Variants in NKAIN2 observed in about 807,000 individuals in gnomAD.
NKAIN2 encodes the protein sodium/potassium-transporting ATPase subunit beta-1-interacting protein 2.
Under a neutral mutation model 32.6 loss-of-function variants are expected in NKAIN2, and 14 were observed. That is an observed-to-expected ratio of 0.43 (90% CI 0.28 to 0.67). The LOEUF (loss-of-function observed/expected upper bound fraction) is 0.67, where lower values mean the gene tolerates loss of function less well. NKAIN2 is among the 30% of genes least tolerant of loss of function. NKAIN2 has a pLI of 0.17. For missense variants in NKAIN2, 198 were observed against 258.3 expected (o/e 0.77, Z 1.60); for synonymous variants, 80 against 87.2 (o/e 0.92, Z 0.46).
intron 1 of NKAIN2, among the ~76,000 whole-genome samples, chr6:123,940,101 A>G (rs1244173002): frequency 6.6e-6 from 1 of 151,806 alleles, no homozygotes; most frequent in Non-Finnish European, 1.5e-5. Context: ...TTAAAAAATT[A>G]CTTGACCCAG....
chr6:124,736,017 C>T (rs963712285), intron 4 of NKAIN2, among the ~76,000 whole-genome samples: 2 of 151,782 alleles, frequency 1.3e-5, no homozygotes, highest in Admixed American at 6.6e-5. Context: ...GAAGGCATGC[C>T]AAAAGTCAAA....
At chr6:124,248,419 C>T (rs945893503) in intron 1 of NKAIN2, among the ~76,000 whole-genome samples, 1 of 151,936 alleles carries the variant, frequency 6.6e-6, no homozygotes, top group Non-Finnish European at 1.5e-5. Context: ...CCCCACCGAA[C>T]CTTTTCCCAA....
intron 3 of NKAIN2, among the ~76,000 whole-genome samples, chr6:124,494,948 ATACTT>A (rs950723493): frequency 1.7e-4 from 26 of 152,138 alleles, no homozygotes; most frequent in African/African-American, 5.8e-4. Flanking sequence ...GAAAAATACT[ATACTT>A]AGGATTTTAA....
intron 1 of NKAIN2, among the ~76,000 whole-genome samples, chr6:123,871,021 T>C (rs1364944817): frequency 6.6e-6 from 1 of 152,134 alleles, no homozygotes; most frequent in African/African-American, 2.4e-5. Flanking sequence ...CATGCTTACA[T>C]TGCTGATTCT....
At chr6:124,701,806 G>A (rs1468752284) in intron 4 of NKAIN2, among the ~76,000 whole-genome samples, 1 of 151,982 alleles carries the variant, frequency 6.6e-6, no homozygotes, top group African/African-American at 2.4e-5. Context: ...TTGCCATAAG[G>A]ATCAATCACT....
chr6:124,630,961 A>G (rs1435213341), intron 3 of NKAIN2, among the ~76,000 whole-genome samples: 3 of 152,182 alleles, frequency 2.0e-5, no homozygotes, highest in African/African-American at 2.4e-5. Flanking sequence ...AAATTACTCA[A>G]AATAATGTAG....
At chr6:123,990,745 A>T (rs565443129) in intron 1 of NKAIN2, among the ~76,000 whole-genome samples, 1 of 152,160 alleles carries the variant, frequency 6.6e-6, no homozygotes, top group Non-Finnish European at 1.5e-5. Context: ...ATTTACCCCC[A>T]TTGTTGATAC....
At chr6:124,496,117 A>C (rs1778054884) in intron 3 of NKAIN2, among the ~76,000 whole-genome samples, 1 of 152,132 alleles carries the variant, frequency 6.6e-6, no homozygotes, top group East Asian at 1.9e-4. Flanking sequence ...CTACACATAC[A>C]GCCCAGGAAT....
chr6:123,876,128 A>G (rs1773159094), intron 1 of NKAIN2, among the ~76,000 whole-genome samples: 1 of 151,976 alleles, frequency 6.6e-6, no homozygotes, highest in African/African-American at 2.4e-5. Context: ...TATTTCTTTC[A>G]CTGGAATTTC....
intron 2 of NKAIN2, among the ~76,000 whole-genome samples, chr6:124,322,982 G>A (rs963992829): frequency 6.6e-6 from 1 of 152,142 alleles, no homozygotes; most frequent in African/African-American, 2.4e-5. Flanking sequence ...TAATTATGTA[G>A]TGATATCTCA....
chr6:123,824,595 A>G (rs1774066946), intron 1 of NKAIN2, among the ~76,000 whole-genome samples: 1 of 152,066 alleles, frequency 6.6e-6, no homozygotes. Context: ...CCCATAGAGC[A>G]TTAGGACAAA....
rs551531100 is a variant in NKAIN2, at chr6:124,122,728, C to T, written c.55-160277C>T. Among the ~76,000 whole-genome samples the T allele has an allele frequency of 1.1e-4, 16 of 152,198 alleles. No individual in the cohort carries two copies. The East Asian group carries it at 2.9e-3, about 28-fold the overall frequency. On this transcript the variant is annotated intron_variant, in intron 1 of 6. Transcript: ENST00000368417. ...CACAAGTTTACATTTTCTTGAGAGT[C>T]TCTGGTCCTTAAAGTTTAATAAGAT...
At chr6:124,219,766 T>C (rs2114690547) in intron 1 of NKAIN2, among the ~76,000 whole-genome samples, 2 of 152,300 alleles carry the variant, frequency 1.3e-5, no homozygotes, top group South Asian at 4.1e-4. Flanking sequence ...TAGATTTTGA[T>C]ATTTTAGAAC....
At chr6:124,562,034 C>T (rs751992749) in intron 3 of NKAIN2, among the ~76,000 whole-genome samples, 26 of 152,112 alleles carry the variant, frequency 1.7e-4, no homozygotes, top group Non-Finnish European at 2.9e-4. Flanking sequence ...TTTAAGTCTC[C>T]GAAATCTGGT....
intron 2 of NKAIN2, among the ~76,000 whole-genome samples, chr6:124,289,727 G>A (rs924924410): frequency 1.3e-5 from 2 of 152,030 alleles, no homozygotes; most frequent in African/African-American, 4.8e-5. Context: ...CCATTTTCCA[G>A]GTCATATGTT....
intron 1 of NKAIN2, among the ~76,000 whole-genome samples, chr6:123,896,600 T>G (rs1774290995): frequency 6.6e-6 from 1 of 152,186 alleles, no homozygotes; most frequent in Non-Finnish European, 1.5e-5. Context: ...TTAAGGAAAT[T>G]CATTAAGGCA....
chr6:124,431,782 A>G (rs1467196982), intron 3 of NKAIN2, among the ~76,000 whole-genome samples: 1 of 152,172 alleles, frequency 6.6e-6, no homozygotes, highest in African/African-American at 2.4e-5. Flanking sequence ...ACACATATAT[A>G]ATTGTGTTCA....
intron 1 of NKAIN2, among the ~76,000 whole-genome samples, chr6:124,219,842 A>G (rs1791716444): frequency 6.6e-6 from 1 of 152,172 alleles, no homozygotes; most frequent in Non-Finnish European, 1.5e-5. Flanking sequence ...AAATGGAAGG[A>G]TAAGAGATAT....
chr6:124,707,680 A>T (rs934108105), intron 4 of NKAIN2, among the ~76,000 whole-genome samples: 2 of 151,048 alleles, frequency 1.3e-5, no homozygotes, highest in African/African-American at 4.9e-5. Flanking sequence ...CCACTTTTTG[A>T]TGGGGTTGTT....
Sources: allele counts gnomAD v4.1 joint callset (sites outside exome capture counted in the v4.1 genomes callset), GRCh38; gene constraint gnomAD v4.1.1; transcripts MANE v1.5; gene names NCBI Gene and HGNC (gene_info 2026-07-23, HGNC 2026-07-21).